ZNF487: variants seen among roughly 807,000 people sequenced by gnomAD.
ZNF487 encodes zinc finger protein 487.
A neutral mutation model predicts 3.0 loss-of-function variants in ZNF487; 4 were observed. That is an observed-to-expected ratio of 1.35 (90% confidence interval 0.66 to 3.08). The LOEUF (loss-of-function observed/expected upper bound fraction) is 3.08. Ranked by LOEUF, ZNF487 falls within the 30% of genes most tolerant of loss-of-function variation. ZNF487 has a pLI of 0.01. For missense variants in ZNF487, 146 were observed against 98.7 expected, an observed-to-expected ratio of 1.48 and a Z score of -2.03; for synonymous variants, 55 against 34.6, an observed-to-expected ratio of 1.59 and a Z score of -2.06.
At chr10:43,508,681 C>A in the ZNF487 span, among the ~76,000 whole-genome samples, 3 of 151,946 alleles carry the variant, frequency 2.0e-5, no homozygotes, top group Admixed American at 2.0e-4. Flanking sequence ...AAAACAAAAA[C>A]AAACAAACAA....
chr10:43,514,172 C>T, the ZNF487 span, among the ~76,000 whole-genome samples: 1 of 151,972 alleles, frequency 6.6e-6, no homozygotes, highest in East Asian at 1.9e-4. Flanking sequence ...ACAGAGTCTC[C>T]CTCTGTCATT....
chr10:43,490,967 C>G, the ZNF487 span, among the ~76,000 whole-genome samples: 1 of 135,206 alleles, frequency 7.4e-6, no homozygotes, highest in Non-Finnish European at 1.6e-5. Flanking sequence ...AGCCACCATG[C>G]CTGGCCTTTT....
the ZNF487 span, among the ~76,000 whole-genome samples, chr10:43,500,290 A>G: frequency 6.6e-6 from 1 of 152,090 alleles, no homozygotes. Flanking sequence ...GATTACAGGC[A>G]TGAGCCACCA....
the ZNF487 span, among the ~76,000 whole-genome samples, chr10:43,510,474 C>T: frequency 6.6e-6 from 1 of 152,208 alleles, no homozygotes; most frequent in Non-Finnish European, 1.5e-5. Context: ...TCCTTACCTC[C>T]ATTGTGGAGT....
chr10:43,466,181 A>AGAGAGGGAGACCGTAGG (rs1554798610), intron 1 of ZNF487, among the ~76,000 whole-genome samples: 1 of 135,392 alleles, frequency 7.4e-6, no homozygotes, highest in Non-Finnish European at 1.6e-5. Flanking sequence ...GACCGTGGAA[A>AGAGAGGGAGACCGTAGG]GAGAGGGAGA....
chr10:43,475,103 C>T (rs763480199), intron 1 of ZNF487, among the ~76,000 whole-genome samples: 6 of 152,084 alleles, frequency 3.9e-5, no homozygotes, highest in Non-Finnish European at 7.3e-5. Context: ...GGGCAGATTC[C>T]CTTATCTGCA....
downstream of ZNF487, among the ~76,000 whole-genome samples, chr10:43,483,468 G>A (rs572017673): frequency 6.6e-6 from 1 of 151,264 alleles, no homozygotes; most frequent in Non-Finnish European, 1.5e-5. Context: ...TTGAACTCCC[G>A]ACCTCAGGTG....
intron 1 of ZNF487, among the ~76,000 whole-genome samples, chr10:43,461,245 G>A (rs1840421226): frequency 6.6e-6 from 1 of 151,524 alleles, no homozygotes; most frequent in Non-Finnish European, 1.5e-5. Context: ...GACCTCAGGT[G>A]ATCTGCCTGC....
the ZNF487 span, among the ~76,000 whole-genome samples, chr10:43,497,149 A>C: frequency 6.6e-6 from 1 of 152,064 alleles, no homozygotes; most frequent in Non-Finnish European, 1.5e-5. Context: ...TTAATTGTGT[A>C]TCATTTATTC....
intron 1 of ZNF487, among the ~76,000 whole-genome samples, chr10:43,464,948 G>A (rs1191008460): frequency 1.3e-5 from 2 of 152,016 alleles, no homozygotes; most frequent in Admixed American, 6.5e-5. Flanking sequence ...AGGGGCGGCC[G>A]GGCAGAGGCG....
downstream of ZNF487, among the ~76,000 whole-genome samples, chr10:43,484,604 C>CA (rs139830405): frequency 1.4e-4 from 20 of 143,786 alleles, no homozygotes; most frequent in Non-Finnish European, 2.1e-4. Context: ...AAGACTGTTT[C>CA]AAAAAAAAAA....
the ZNF487 span, among the ~76,000 whole-genome samples, chr10:43,517,213 G>T: frequency 6.6e-6 from 1 of 152,234 alleles, no homozygotes; most frequent in Non-Finnish European, 1.5e-5. Context: ...AAGTTATTTG[G>T]TAATCTGAGG....
chr10:43,482,229 T>C lies in ZNF487; in HGVS notation c.*307T>C, dbSNP rs560085810. ...TTCACTCAACATCAAGAAACACATA[T>C]AGGAAAGAATGCCTATAAAATTAAT... On this transcript the variant is annotated 3_prime_UTR_variant, in exon 4 of 4. Transcript: ENST00000437590. The C allele has an allele frequency of 2.3e-6, 1 of 442,580 alleles. No homozygotes were observed. The highest frequency in any genetic ancestry group is 2.0e-5 in the African/African-American group (1 of 50,240). 27.4% of individuals were successfully genotyped at this position (442,580 alleles called of 1,614,324 possible).
the ZNF487 span, among the ~76,000 whole-genome samples, chr10:43,491,671 C>T: frequency 4.6e-5 from 7 of 151,862 alleles, no homozygotes; most frequent in Non-Finnish European, 8.8e-5. Context: ...CTGGATTTAC[C>T]TGGAGGCTCA....
intron 1 of ZNF487, among the ~76,000 whole-genome samples, chr10:43,437,696 A>G (rs1449434732): frequency 6.6e-6 from 1 of 151,904 alleles, no homozygotes; most frequent in Non-Finnish European, 1.5e-5. Flanking sequence ...ATTACTCAAA[A>G]CTCCCTTTTC....
At chr10:43,521,957 A>C in the ZNF487 span, among the ~76,000 whole-genome samples, 1 of 152,172 alleles carries the variant, frequency 6.6e-6, no homozygotes, top group East Asian at 1.9e-4. Context: ...TTTATGAAAT[A>C]AATTGATAAA....
chr10:43,447,305 C>T (rs1280658971), intron 1 of ZNF487, among the ~76,000 whole-genome samples: 8 of 151,412 alleles, frequency 5.3e-5, no homozygotes, highest in Admixed American at 2.0e-4. Context: ...TGCAGTGGCA[C>T]GATCTTAGCT....
intron 1 of ZNF487, among the ~76,000 whole-genome samples, chr10:43,455,881 G>A (rs529302211): frequency 2.0e-5 from 3 of 152,350 alleles, no homozygotes; most frequent in African/African-American, 7.2e-5. Flanking sequence ...GACGCTTCGC[G>A]CTCCAGGAAG....
At chr10:43,468,581 A>C (rs1312876996) in intron 1 of ZNF487, among the ~76,000 whole-genome samples, 1 of 146,908 alleles carries the variant, frequency 6.8e-6, no homozygotes, top group Non-Finnish European at 1.5e-5. Flanking sequence ...CGGGAGGTTG[A>C]GGCAGGATAA....
Sources: gnomAD v4.1 joint callset for allele counts (sites outside exome capture counted in the v4.1 genomes callset) on GRCh38, gnomAD v4.1.1 for gene constraint, MANE v1.5 for transcripts, NCBI Gene and HGNC (gene_info 2026-07-23, HGNC 2026-07-21) for gene names.